The following RRP7A variants were observed in gnomAD, a reference collection of about 807,000 sequenced individuals.
The protein encoded by RRP7A is ribosomal RNA processing 7 homolog A, also known as ribosomal RNA-processing protein 7 homolog A.
A neutral mutation model predicts 38.4 loss-of-function variants in RRP7A; 27 were observed. That is an observed-to-expected ratio of 0.70 (90% CI 0.52 to 0.97). The LOEUF (loss-of-function observed/expected upper bound fraction) is 0.97. Ranked by LOEUF, RRP7A falls within the 50% of genes least tolerant of loss-of-function variation. The pLI is 0.00. For synonymous variants in RRP7A, 124 were observed against 150.3 expected (o/e 0.83, Z 1.28); for missense variants, 327 against 375.4 (o/e 0.87, Z 1.07).
At chr22:42,514,902 AT>A in intron 4 of RRP7A, 123 bp from the exon 5 acceptor site, 1 of 862,892 alleles carries the variant, frequency 1.2e-6, no homozygotes, top group Admixed American at 2.3e-5. Context: ...TGCTAAGGAG[AT>A]CCCAGGGGCT....
In RRP7A at chr22:42,510,167, GT is replaced by G; in HGVS notation, c.*2742del. The G allele has an allele frequency of 6.6e-6, 1 of 152,494 alleles. No homozygotes were observed. Among genetic ancestry groups the G allele is most frequent in the East Asian group, 1.9e-4 (1 of 5,188 alleles). The allele number at this position is 152,494 out of a possible 1,614,324, so 9.4% of individuals were successfully genotyped here. A position where few individuals can be genotyped will look rare whatever the true frequency, so the allele number is the denominator to read the frequency against. On this transcript the variant is annotated 3_prime_UTR_variant, in exon 7 of 7. Coordinates refer to ENST00000323013, the MANE Select transcript of RRP7A (RefSeq NM_015703.5). ...TTTAGTACAGACAGGGTTTCACCAT[GT>G]TAGCCAGGATGGTCTCATCTCCTGA...
intron 2 of RRP7A, among the ~76,000 whole-genome samples, chr22:42,517,006 G>A (rs1405615203): frequency 2.6e-5 from 4 of 151,922 alleles, no homozygotes; most frequent in African/African-American, 7.3e-5. Flanking sequence ...GGCCAGGGGC[G>A]GTGGCTCACG....
In RRP7A at chr22:42,511,069, T is replaced by C. The variant is rs977923023; in HGVS notation, c.*1841A>G. 40 of 154,938 alleles carry C rather than the reference T, an allele frequency of 2.6e-4. No individual in the cohort carries two copies. Among genetic ancestry groups the C allele is most frequent in the Non-Finnish European group, 3.9e-4 (27 of 70,010 alleles). The allele number at this position is 154,938 out of a possible 1,614,324, so 9.6% of individuals were successfully genotyped here. A position where few individuals can be genotyped will look rare whatever the true frequency, so the allele number is the denominator to read the frequency against. ...GTCTCATTCTGTTGCTCAGGCTCAG[T>C]CATAGCTCACTGCAGCCTCAAACTC... On this transcript the variant is annotated 3_prime_UTR_variant, in exon 7 of 7. Coordinates refer to ENST00000323013, the MANE Select transcript of RRP7A (RefSeq NM_015703.5).
chr22:42,519,702 G>T lies in RRP7A; in HGVS notation c.73+12C>A, dbSNP rs1194820478. ...CTGACCGCCCCCGGTCTCGCGTCCC[G>T]GAGCCCCTCACCTGCGTAGCCCAGT... On this transcript the variant is annotated intron_variant, in intron 1 of 6. Transcript: ENST00000323013. The T allele has an allele frequency of 9.0e-6, 13 of 1,445,452 alleles. No homozygotes were observed. Among genetic ancestry groups the T allele is most frequent in the Non-Finnish European group, 1.2e-5 (13 of 1,099,224 alleles). 89.5% of individuals were successfully genotyped at this position (1,445,452 alleles called of 1,614,324 possible). A position where few individuals can be genotyped will look rare whatever the true frequency, so the allele number is the denominator to read the frequency against.
intron 3 of RRP7A, among the ~76,000 whole-genome samples, chr22:42,515,511 G>C (rs73173065): frequency 0.12 from 18,111 of 152,046 alleles, 1,328 homozygotes; most frequent in Admixed American, 0.18. Flanking sequence ...AGGGGATACA[G>C]AGGCTTCTTT....
Position 42,508,938 on chromosome 22 carries a change from G to A in RRP7A, c.*3972C>T. 1 of 1,589,736 alleles carries A rather than the reference G, an allele frequency of 6.3e-7. No homozygotes were observed. Among genetic ancestry groups the A allele is most frequent in the Non-Finnish European group, 8.6e-7 (1 of 1,164,792 alleles). On this transcript the variant is annotated 3_prime_UTR_variant, in exon 7 of 7. Coordinates refer to ENST00000323013, the MANE Select transcript of RRP7A (RefSeq NM_015703.5). ...GTGGGTGGCTAAGGTGCCCTCGCCA[G>A]GGCTTAGCCACCCCAACAGAGATGG...
intron 1 of RRP7A, among the ~76,000 whole-genome samples, chr22:42,519,076 G>A (rs867148345): frequency 6.7e-6 from 1 of 148,798 alleles, no homozygotes; most frequent in African/African-American, 2.5e-5. Context: ...CCCAGAGGGG[G>A]GAAAAAGCAT....
chr22:42,518,943 G>C (rs1920939095), intron 1 of RRP7A, among the ~76,000 whole-genome samples: 1 of 148,556 alleles, frequency 6.7e-6, no homozygotes, highest in Admixed American at 6.8e-5. Context: ...AAACATTACA[G>C]GGTGATGGGG....
In RRP7A at chr22:42,513,006, G is replaced by C; in HGVS notation, c.758-11C>G. On this transcript the variant is annotated splice_polypyrimidine_tract_variant and intron_variant, in intron 6 of 6. Transcript: ENST00000323013. ...GCAGCTGCGCTAGATCTGGGGGTGA[G>C]AGGAGGCGCGGGGCAGGGTCAGACA... 2 of 1,609,568 alleles carry C rather than the reference G, an allele frequency of 1.2e-6. No individual in the cohort carries two copies. The highest frequency in any genetic ancestry group is 1.7e-5 in the Admixed American group (1 of 59,758).
intron 2 of RRP7A, 37 bp from the exon 3 acceptor site, chr22:42,516,173 G>T (rs752095844): frequency 2.5e-6 from 4 of 1,608,526 alleles, no homozygotes; most frequent in Admixed American, 1.7e-5. Flanking sequence ...GTGAGCATCC[G>T]CAGGGCCATC....
At chr22:42,519,582 C>T (rs1401496506) in intron 1 of RRP7A, 132 bp downstream of exon 1, 4 of 756,014 alleles carry the variant, frequency 5.3e-6, no homozygotes, top group Non-Finnish European at 5.7e-6. Context: ...CCTGCGGAGC[C>T]TGGGGCCACG....
rs146723886 is a variant in RRP7A at position 42,518,027 on chromosome 22, T to C, written c.194A>G (p.Asn65Ser). ...WPQKRTLFVL[N>S]VPPYCTEESL... The stretch of plus-strand genomic sequence containing the variant: ...CACCTCTGTGCAGTATGGGGGCACA[T>C]TGAGGACAAAAAGAGTCCTCTTCTG... Residue 65 changes from asparagine (N) to serine (S), a missense_variant, in exon 2 of 7, where the codon AAT becomes AGT. This residue lies in a region of RRP7A where 183 missense variants were observed against 141.8 expected (regional missense o/e 1.29). Coordinates refer to ENST00000323013, the MANE Select transcript of RRP7A (RefSeq NM_015703.5). The C allele has an allele frequency of 0.014, 23,004 of 1,612,986 alleles. 258 individuals are homozygous for C. Among genetic ancestry groups the C allele is most frequent in the South Asian group, 0.023 (2,065 of 90,964 alleles).
Position 42,511,813 on chromosome 22 carries a change from G to A in RRP7A, c.*1097C>T, listed in dbSNP as rs1311235405. 4.6e-5 allele frequency: 16 copies of A among 345,556 alleles called. No individual in the cohort carries two copies. The highest frequency in any genetic ancestry group is 1.7e-4 in the East Asian group (3 of 17,390). 21.4% of individuals were successfully genotyped at this position (345,556 alleles called of 1,614,324 possible). On this transcript the variant is annotated 3_prime_UTR_variant, in exon 7 of 7. Coordinates refer to ENST00000323013, the MANE Select transcript of RRP7A (RefSeq NM_015703.5). ...ACGTCATCTCATTATCTTTTCTCAC[G>A]AGGACTACTTCGGATACAATCACAG...
At position 42,511,860 on chromosome 22, in the gene RRP7A, C is replaced by T; in HGVS notation, c.*1050G>A. On this transcript the variant is annotated 3_prime_UTR_variant, in exon 7 of 7. Coordinates refer to ENST00000323013, the MANE Select transcript of RRP7A (RefSeq NM_015703.5). ...ACAGCAACCCTGGCCTCGGCCCTGC[C>T]CTGTCCCTGCCATGCAACTTCACAA... 1 of 547,402 alleles carries T rather than the reference C, an allele frequency of 1.8e-6. No homozygotes were observed. The highest frequency in any genetic ancestry group is 2.1e-5 in the South Asian group (1 of 48,664). 33.9% of individuals were successfully genotyped at this position (547,402 alleles called of 1,614,324 possible).
intron 4 of RRP7A, among the ~76,000 whole-genome samples, 176 bp from the exon 5 acceptor site, chr22:42,514,955 C>A (rs1431878640): frequency 6.6e-6 from 1 of 150,568 alleles, no homozygotes; most frequent in Non-Finnish European, 1.5e-5. Flanking sequence ...ATGCCTGTGC[C>A]GCTCTGTGCC....
chr22:42,519,559 C>T (rs1427925936), intron 1 of RRP7A, among the ~76,000 whole-genome samples, 155 bp downstream of exon 1: 1 of 152,016 alleles, frequency 6.6e-6, no homozygotes, highest in Non-Finnish European at 1.5e-5. Context: ...CTCGGGACCC[C>T]GGAGCCTCAA....
At chr22:42,519,538 C>T (rs1020355659) in intron 1 of RRP7A, among the ~76,000 whole-genome samples, 176 bp downstream of exon 1, 4 of 152,118 alleles carry the variant, frequency 2.6e-5, no homozygotes, top group Admixed American at 1.3e-4. Flanking sequence ...CAGAAGGGCG[C>T]CGCCTGGGTC....
intron 4 of RRP7A, 25 bp from the exon 5 acceptor site, chr22:42,514,804 C>G: frequency 1.3e-6 from 2 of 1,569,984 alleles, no homozygotes; most frequent in East Asian, 2.3e-5. Context: ...GCCAGGGAAA[C>G]GGGGCTTCCT....
intron 2 of RRP7A, among the ~76,000 whole-genome samples, chr22:42,517,289 T>TAAA (rs34721051): frequency 2.3e-5 from 3 of 131,656 alleles, no homozygotes; most frequent in East Asian, 4.3e-4. Context: ...AATAAATAAA[T>TAAA]TAAATAAATA....
Sources: gnomAD v4.1 joint callset for allele counts (sites outside exome capture counted in the v4.1 genomes callset) on GRCh38, gnomAD v4.1.1 for gene constraint, gnomAD v4.1.1 regional missense constraint, MANE v1.5 for transcripts, NCBI Gene and HGNC (gene_info 2026-07-23, HGNC 2026-07-21) for gene names.